Variants in SLC26A7 observed in about 807,000 individuals in gnomAD.
The protein encoded by SLC26A7 is anion exchange transporter.
A neutral mutation model predicts 82.5 loss-of-function variants in SLC26A7; 59 were observed. That is an observed-to-expected ratio of 0.72 (90% CI 0.58 to 0.89). The LOEUF is 0.89. SLC26A7 is among the 40% of genes least tolerant of loss of function. SLC26A7 has a pLI of 0.00. For missense variants in SLC26A7, 820 were observed against 793.0 expected (o/e 1.03, Z -0.41); for synonymous variants, 271 against 274.3 (o/e 0.99, Z 0.12).
chr8:91,376,368 A>G (rs1814516718), intron 15 of SLC26A7, among the ~76,000 whole-genome samples: 1 of 152,044 alleles, frequency 6.6e-6, no homozygotes, highest in Admixed American at 6.6e-5. Flanking sequence ...TTTGAATTTT[A>G]TATAATTTGG....
intron 15 of SLC26A7, among the ~76,000 whole-genome samples, chr8:91,373,044 A>G (rs1408893199): frequency 6.6e-6 from 1 of 151,938 alleles, no homozygotes; most frequent in Non-Finnish European, 1.5e-5. Flanking sequence ...GTTGGTGTAC[A>G]TAAATGCAAC....
intron 15 of SLC26A7, among the ~76,000 whole-genome samples, chr8:91,371,700 G>A (rs1479212712): frequency 6.6e-6 from 1 of 151,878 alleles, no homozygotes; most frequent in Non-Finnish European, 1.5e-5. Flanking sequence ...AAGACTGCAG[G>A]ATTTTCTTTG....
intron 14 of SLC26A7, among the ~76,000 whole-genome samples, chr8:91,369,108 T>G (rs1361995886): frequency 6.6e-6 from 1 of 152,188 alleles, no homozygotes; most frequent in African/African-American, 2.4e-5. Context: ...CTTACTAGTT[T>G]TGTGACTTTG....
intron 15 of SLC26A7, among the ~76,000 whole-genome samples, chr8:91,374,300 T>G (rs1814447210): frequency 6.6e-6 from 1 of 151,936 alleles, no homozygotes; most frequent in Non-Finnish European, 1.5e-5. Flanking sequence ...CTAGTTCCTT[T>G]GGGTATGATG....
At position 91,273,396 on chromosome 8, in the gene SLC26A7, AC is replaced by A. The variant is rs200489651; in HGVS notation, c.194-15738del. 2.8e-3 allele frequency among the ~76,000 whole-genome samples: 422 copies of A among 152,236 alleles called. 2 individuals are homozygous for A. Among genetic ancestry groups the A allele is most frequent in the African/African-American group, 9.5e-3 (393 of 41,540 alleles). ...AGAAAGAGAAATTAGGATGGAAGTAACCTTGGGAATGCTGACATTTAAGAGT... is the reference window on the plus strand; with the variant it reads ...AGAAAGAGAAATTAGGATGGAAGTAACTTGGGAATGCTGACATTTAAGAGT... On this transcript the variant is annotated intron_variant, in intron 2 of 18. Transcript: ENST00000276609.
intron 2 of SLC26A7, among the ~76,000 whole-genome samples, chr8:91,252,179 T>G (rs1810677175): frequency 6.6e-6 from 1 of 152,082 alleles, no homozygotes. Context: ...TTACTCAGCA[T>G]AGTTGAATTA....
chr8:91,369,964 G>T (rs1814308084), intron 15 of SLC26A7, 131 bp downstream of exon 15: 3 of 736,180 alleles, frequency 4.1e-6, no homozygotes, highest in Non-Finnish European at 6.9e-6. Flanking sequence ...TCTCCTAATT[G>T]TCCTCTTCCC....
Position 91,359,813 on chromosome 8 carries a change from T to C in SLC26A7, c.1315-2540T>C, listed in dbSNP as rs543639142. Among the ~76,000 whole-genome samples, 4 of 152,238 alleles carry C rather than the reference T, an allele frequency of 2.6e-5. No homozygotes were observed. In the South Asian group the frequency reaches 6.2e-4, roughly 24 times the overall value. ...TAGGCTATATACCCAATACGTATAA[T>C]GTCTAGATTACTAAATAGATGGACT... On this transcript the variant is annotated intron_variant, in intron 11 of 18. Transcript: ENST00000276609.
At chr8:91,361,825 C>T (rs1420755499) in intron 11 of SLC26A7, among the ~76,000 whole-genome samples, 1 of 152,074 alleles carries the variant, frequency 6.6e-6, no homozygotes, top group African/African-American at 2.4e-5. Flanking sequence ...CTATAATGAT[C>T]TTCATAGTGA....
In SLC26A7 at chr8:91,393,805, G is replaced by A. The variant is rs1808473989; in HGVS notation, c.1785G>A (p.Met595Ile). Reference sequence around the variant, plus strand: ...TATTTTAATTCTTCCAGGTTTACATGGACTGTAAAGGCAGGAGTGTGGATG... The same window carrying A: ...TATTTTAATTCTTCCAGGTTTACATAGACTGTAAAGGCAGGAGTGTGGATG... ...SGVSMLVEVY[M>I]DCKGRSVDVL... The change falls in exon 17 of 19, where the codon ATG (methionine) becomes ATA (isoleucine). Residue 595 changes from methionine to isoleucine, a missense_variant. Transcript: ENST00000276609. 4 of 1,613,384 alleles carry A rather than the reference G, an allele frequency of 2.5e-6. No individual in the cohort carries two copies. Among genetic ancestry groups the A allele is most frequent in the Non-Finnish European group, 3.4e-6 (4 of 1,179,450 alleles).
intron 5 of SLC26A7, among the ~76,000 whole-genome samples, chr8:91,322,916 G>A (rs1812833333): frequency 6.6e-6 from 1 of 152,134 alleles, no homozygotes; most frequent in African/African-American, 2.4e-5. Context: ...AGTTTGGACT[G>A]CAAAGACTGC....
chr8:91,251,870 G>A (rs577262097), intron 2 of SLC26A7, among the ~76,000 whole-genome samples: 1 of 152,210 alleles, frequency 6.6e-6, no homozygotes, highest in East Asian at 1.9e-4. Context: ...ACATTTCTTT[G>A]GAAAGGTGTG....
intron 15 of SLC26A7, among the ~76,000 whole-genome samples, chr8:91,388,380 T>C (rs929927545): frequency 6.6e-6 from 1 of 151,392 alleles, no homozygotes; most frequent in Admixed American, 6.6e-5. Flanking sequence ...CCGAGCGGGA[T>C]TTTTTTTTAG....
At position 91,225,729 on chromosome 8, in the gene SLC26A7, G is replaced by A. The variant is rs1316980138; in HGVS notation, c.-34+6724G>A. ...AATGTATTTGCTGTCTTGGTTGTGG[G>A]GAGAAAATTTTATCCATCCATCTAT... On this transcript the variant is annotated intron_variant, in intron 2 of 5. Coordinates refer to the SLC26A7 transcript ENST00000522862. Among the ~76,000 whole-genome samples, 3 of 143,708 alleles carry A rather than the reference G, an allele frequency of 2.1e-5. No homozygotes were observed. In the East Asian group the frequency reaches 6.1e-4, roughly 29 times the overall value. 94.3% of individuals were successfully genotyped at this position (143,708 alleles called of 152,430 possible).
chr8:91,394,530 A>C (rs1451828596), intron 18 of SLC26A7: 3 of 1,305,342 alleles, frequency 2.3e-6, no homozygotes, highest in Non-Finnish European at 9.7e-7. Flanking sequence ...CTTATGGTTT[A>C]GTTTTACAAC....
intron 2 of SLC26A7, among the ~76,000 whole-genome samples, chr8:91,284,687 G>T (rs1013573230): frequency 6.6e-6 from 1 of 152,144 alleles, no homozygotes; most frequent in Non-Finnish European, 1.5e-5. Flanking sequence ...TATTAAGCAA[G>T]CAGTTCCTTA....
intron 2 of SLC26A7, among the ~76,000 whole-genome samples, chr8:91,251,178 A>G (rs959507857): frequency 6.6e-6 from 1 of 152,104 alleles, no homozygotes; most frequent in Non-Finnish European, 1.5e-5. Context: ...AGTTAATAAG[A>G]CAATTTGAGG....
chr8:91,359,715 C>A (rs942990711), intron 11 of SLC26A7, among the ~76,000 whole-genome samples: 10 of 152,126 alleles, frequency 6.6e-5, no homozygotes, highest in African/African-American at 1.9e-4. Context: ...TTATTGGGCA[C>A]AGCATTCAAA....
rs192649910 is a variant in SLC26A7 at position 91,382,931 on chromosome 8, C to T, written c.1676-6407C>T. Among the ~76,000 whole-genome samples the T allele has an allele frequency of 2.6e-4, 40 of 152,068 alleles. 1 individual carries two copies. In the East Asian group the frequency reaches 6.0e-3, roughly 23 times the overall value. ...TCATTTTACTGATGAAGTTGAGGCC[C>T]GTATGGGAGACTTAACTTGCTCTGG... On this transcript the variant is annotated intron_variant, in intron 15 of 18. Transcript: ENST00000276609.
Sources: allele counts gnomAD v4.1 joint callset (sites outside exome capture counted in the v4.1 genomes callset), GRCh38; gene constraint gnomAD v4.1.1; transcripts MANE v1.5; gene names NCBI Gene and HGNC (gene_info 2026-07-23, HGNC 2026-07-21).